RNF19A: variants seen among roughly 807,000 people sequenced by gnomAD.
The protein encoded by RNF19A is ring finger protein 19A, RBR E3 ubiquitin protein ligase.
Under a neutral mutation model 75.7 loss-of-function variants are expected in RNF19A, and 32 were observed. The observed-to-expected ratio is 0.42, with a 90% CI of 0.32 to 0.57. The LOEUF (loss-of-function observed/expected upper bound fraction) is 0.57, where lower values mean the gene tolerates loss of function less well. RNF19A is among the 20% of genes least tolerant of loss of function. RNF19A has a pLI of 0.10. For missense variants in RNF19A, 782 were observed against 1,036.3 expected (o/e 0.75, Z 3.37); for synonymous variants, 335 against 345.2 (o/e 0.97, Z 0.33).
At chr8:100,334,566 GCT>G (rs1254452266) in intron 1 of RNF19A, among the ~76,000 whole-genome samples, 10 of 152,140 alleles carry the variant, frequency 6.6e-5, no homozygotes. Flanking sequence ...AAAAAATATG[GCT>G]GCTCACCTTC....
At position 100,320,460 on chromosome 8, in the gene RNF19A, A is replaced by G. The variant is rs968166099; in HGVS notation, c.-242-7088T>C. 3.3e-5 allele frequency among the ~76,000 whole-genome samples: 5 copies of G among 152,238 alleles called. No individual in the cohort carries two copies. In the East Asian group the frequency reaches 5.8e-4, roughly 18 times the overall value. On this transcript the variant is annotated intron_variant, in intron 1 of 3. Transcript: ENST00000519527. ...ATGCCTAGAAGCAGAATTACTGAAG[A>G]AAACCTTTTAAAAGTTGAAAAATGC...
rs182968253 is a variant in RNF19A, at chr8:100,274,524, A to C, written c.883+429T>G. Among the ~76,000 whole-genome samples the C allele has an allele frequency of 1.1e-4, 16 of 152,326 alleles. No individual in the cohort carries two copies. The East Asian group carries it at 3.1e-3, about 29-fold the overall frequency. On this transcript the variant is annotated intron_variant, in intron 3 of 9. Transcript: ENST00000341084. ...TTTTTCTAGTAGCATAAAGTACATG[A>C]TTATCTCAATACACTGCTGGCAGGA... is the stretch of plus-strand genomic sequence containing the variant.
chr8:100,303,259 T>C (rs930228701), intron 1 of RNF19A: 3 of 152,236 alleles, frequency 2.0e-5, no homozygotes, highest in African/African-American at 4.8e-5. Context: ...CTGGTGACTA[T>C]AAGCATTCCT....
chr8:100,292,318 A>G (rs1034661755), intron 1 of RNF19A, among the ~76,000 whole-genome samples: 2 of 151,976 alleles, frequency 1.3e-5, no homozygotes, highest in South Asian at 4.1e-4. Flanking sequence ...TCTCACTACA[A>G]GTCATTTACA....
intron 2 of RNF19A, among the ~76,000 whole-genome samples, chr8:100,285,325 T>C (rs939066284): frequency 1.6e-4 from 24 of 152,334 alleles, no homozygotes; most frequent in African/African-American, 5.5e-4. Flanking sequence ...AATCTAATGT[T>C]TTCCCCCTCA....
chr8:100,262,494 C>A (rs76189693), intron 7 of RNF19A, among the ~76,000 whole-genome samples: 4,817 of 152,162 alleles, frequency 0.032, 127 homozygotes, highest in Non-Finnish European at 0.042. Context: ...TAATGCTTGG[C>A]ACCCTCAAAA....
Position 100,288,110 on chromosome 8 carries a change from G to C in RNF19A, c.65C>G (p.Pro22Arg). Residue 22 changes from proline to arginine, a missense_variant, in exon 2 of 10, where the codon CCT becomes CGT. Physicochemically the swap from Pro to Arg is moderately radical, Grantham distance 103. This residue lies in a region of RNF19A where 148 missense variants were observed against 147.9 expected (regional missense o/e 1.00). Transcript: ENST00000341084. ...TAAAATGCTTGTTAGAATTGAGACA[G>C]GGTCAGTGTTTACACACAGCCCTTC... ...YNEGLCVNTD[P>R]VSILTSILDM... is the part of the protein sequence containing the mutation. 6.2e-7 allele frequency: 1 copy of C among 1,614,074 alleles called. No homozygotes were observed. Among genetic ancestry groups the C allele is most frequent in the Middle Eastern group, 1.6e-4 (1 of 6,062 alleles).
rs1419267934 is a variant in RNF19A, at chr8:100,329,032, A to G, written c.-243+7076T>C. Among the ~76,000 whole-genome samples, 1 of 152,158 alleles carries G rather than the reference A, an allele frequency of 6.6e-6. No individual in the cohort carries two copies. Among genetic ancestry groups the G allele is most frequent in the African/African-American group, 2.4e-5 (1 of 41,414 alleles). On this transcript the variant is annotated intron_variant, in intron 1 of 3. Transcript: ENST00000519527. The surrounding 1 kb of genome is among the most constrained non-coding windows in gnomAD (Gnocchi z 4.3). ...CATGGTGATGACTCTTCTCCAAAGC[A>G]CAGGCCAGATGTGACTAATTCCAGG...
At chr8:100,286,187 C>T (rs546033488) in intron 2 of RNF19A, among the ~76,000 whole-genome samples, 15 of 152,122 alleles carry the variant, frequency 9.9e-5, no homozygotes, top group Non-Finnish European at 1.6e-4. Flanking sequence ...TTTAAAGCTA[C>T]TATTCATTAT....
intron 1 of RNF19A, among the ~76,000 whole-genome samples, chr8:100,299,880 AT>A (rs1821745993): frequency 6.6e-6 from 1 of 152,162 alleles, no homozygotes. Context: ...CACCTCTCCA[AT>A]TTTGGAAGCT....
chr8:100,272,165 A>G (rs1284989365), intron 3 of RNF19A, among the ~76,000 whole-genome samples: 1 of 152,220 alleles, frequency 6.6e-6, no homozygotes, highest in African/African-American at 2.4e-5. Flanking sequence ...ACATTAACAA[A>G]AATGAAAAAT....
At chr8:100,295,259 G>A (rs563985404) in intron 1 of RNF19A, among the ~76,000 whole-genome samples, 2 of 152,242 alleles carry the variant, frequency 1.3e-5, no homozygotes, top group South Asian at 4.1e-4. Context: ...ACTGAAACTA[G>A]TATTTATCAA....
chr8:100,273,466 A>C (rs1376584926), intron 3 of RNF19A, among the ~76,000 whole-genome samples: 1 of 152,212 alleles, frequency 6.6e-6, no homozygotes, highest in Non-Finnish European at 1.5e-5. Flanking sequence ...TACTAAGCTG[A>C]CATATCCTAA....
intron 1 of RNF19A, among the ~76,000 whole-genome samples, chr8:100,316,111 G>A (rs867901190): frequency 5.1e-4 from 78 of 152,154 alleles, no homozygotes; most frequent in Middle Eastern, 3.4e-3. Flanking sequence ...TCGTGGTCTC[G>A]CTGGCTCAGG....
intron 3 of RNF19A, among the ~76,000 whole-genome samples, chr8:100,273,931 C>T (rs1368321992): frequency 6.6e-6 from 1 of 151,956 alleles, no homozygotes; most frequent in Non-Finnish European, 1.5e-5. Flanking sequence ...TACAGGCGCC[C>T]GCCACCACGC....
intron 1 of RNF19A, among the ~76,000 whole-genome samples, chr8:100,327,865 T>C (rs536412772): frequency 2.0e-5 from 3 of 152,358 alleles, no homozygotes; most frequent in Non-Finnish European, 4.4e-5. Context: ...ACTCAGAATA[T>C]GTGATCAAGA....
At chr8:100,299,258 AT>A (rs1171978369) in intron 1 of RNF19A, among the ~76,000 whole-genome samples, 1 of 152,220 alleles carries the variant, frequency 6.6e-6, no homozygotes, top group Non-Finnish European at 1.5e-5. Context: ...ATACAAATAT[AT>A]AGGCAGTTTT....
Position 100,261,404 on chromosome 8 carries a change from T to G in RNF19A, c.1682+138A>C, listed in dbSNP as rs1819707083. ...TGAGCCACTGCACCTGGCCCCAAAT[T>G]TCATTTTTAACATTACTATTTTGAA... On this transcript the variant is annotated intron_variant, in intron 8 of 9. Coordinates refer to ENST00000341084, the MANE Select transcript of RNF19A (RefSeq NM_183419.4). This position sits in a 1 kb window ranked among gnomAD's most constrained non-coding sequence, Gnocchi z 4.4. 3.7e-6 allele frequency: 3 copies of G among 803,814 alleles called. No individual in the cohort carries two copies. In the African/African-American group the frequency reaches 5.2e-5, roughly 14 times the overall value. The allele number at this position is 803,814 out of a possible 1,614,324, so 49.8% of individuals were successfully genotyped here. A position where few individuals can be genotyped will look rare whatever the true frequency, so the allele number is the denominator to read the frequency against.
rs112702996 is a variant in RNF19A, at chr8:100,288,977, G to A, written c.-93-710C>T. Among the ~76,000 whole-genome samples the A allele has an allele frequency of 5.1e-3, 770 of 150,618 alleles. 9 individuals are homozygous for A. The highest frequency in any genetic ancestry group is 0.018 in the African/African-American group (752 of 40,822). ...CGGGAGGCTGAGGCAGGAGAATGGC[G>A]TGAACCCGGGAAGTGGAGCTTGCAG... On this transcript the variant is annotated intron_variant, in intron 1 of 9. Coordinates refer to ENST00000341084, the MANE Select transcript of RNF19A (RefSeq NM_183419.4).
Sources: allele counts gnomAD v4.1 joint callset (sites outside exome capture counted in the v4.1 genomes callset), GRCh38; gene constraint gnomAD v4.1.1; regional missense constraint gnomAD v4.1.1; non-coding constraint Gnocchi (gnomAD v3.1); transcripts MANE v1.5; gene names NCBI Gene and HGNC (gene_info 2026-07-23, HGNC 2026-07-21).